UAP1: variants seen among roughly 807,000 people sequenced by gnomAD.
The protein encoded by UAP1 is UDP-N-acetylhexosamine pyrophosphorylase.
A neutral mutation model predicts 58.5 loss-of-function variants in UAP1; 25 were observed. The observed-to-expected ratio is 0.43, with a 90% CI of 0.31 to 0.60. UAP1 has a LOEUF of 0.60. Among genes scored for constraint, UAP1 ranks in the 20% least tolerant of loss-of-function variants. UAP1 has a pLI of 0.11. For synonymous variants in UAP1, 208 were observed against 213.0 expected (o/e 0.98, Z 0.21); for missense variants, 575 against 630.0 (o/e 0.91, Z 0.93).
At chr1:162,577,426 G>A (rs1411028039) in intron 3 of UAP1, among the ~76,000 whole-genome samples, 3 of 124,926 alleles carry the variant, frequency 2.4e-5, no homozygotes, top group Non-Finnish European at 4.9e-5. Flanking sequence ...GTCAGTGTTA[G>A]TTCCTTCCCT....
chr1:162,588,321 A>G (rs190642958), intron 6 of UAP1, among the ~76,000 whole-genome samples: 144 of 152,358 alleles, frequency 9.5e-4, no homozygotes, highest in African/African-American at 3.4e-3. Flanking sequence ...GCATTACTTT[A>G]GAATATCAAC....
chr1:162,563,449 C>G (rs1557961498), intron 1 of UAP1, among the ~76,000 whole-genome samples: 3 of 152,040 alleles, frequency 2.0e-5, no homozygotes. Context: ...ACTACAACCT[C>G]CGCCTCCCCG....
chr1:162,567,628 T>C (rs1374895217), intron 2 of UAP1, among the ~76,000 whole-genome samples: 6 of 152,180 alleles, frequency 3.9e-5, no homozygotes, highest in Non-Finnish European at 8.8e-5. Flanking sequence ...CTGGGCCTCA[T>C]TTTCTCAACT....
chr1:162,597,515 T>C (rs1482305786), intron 9 of UAP1: 2 of 339,250 alleles, frequency 5.9e-6, no homozygotes, highest in Admixed American at 4.6e-5. Flanking sequence ...AAAAATGAGA[T>C]GTATGTAAGG....
At chr1:162,574,115 C>T (rs6690516) in intron 2 of UAP1, among the ~76,000 whole-genome samples, 2,949 of 125,574 alleles carry the variant, frequency 0.023, 112 homozygotes, top group African/African-American at 0.083. Flanking sequence ...TTTTTTGAGA[C>T]GGAGTCTCAC....
chr1:162,592,679 GTTA>G lies in UAP1; in HGVS notation c.1359-50_1359-48del, dbSNP rs1406487424. On this transcript the variant is annotated intron_variant, in intron 8 of 10. Coordinates refer to ENST00000271469, the Ensembl canonical transcript of UAP1. ...GTATATTTTGCAACTCCATTTCATT[GTTA>G]TTGTTTGATTTGCTTCCATTCCCAT... 5 of 1,357,976 alleles carry G rather than the reference GTTA, an allele frequency of 3.7e-6. No homozygotes were observed. The African/African-American group carries it at 7.2e-5, about 20-fold the overall frequency. The allele number at this position is 1,357,976 out of a possible 1,614,324, so 84.1% of individuals were successfully genotyped here.
At chr1:162,576,902 T>C (rs951918766) in exon 3 of UAP1, 1 of 1,614,164 alleles carries the variant, frequency 6.2e-7, no homozygotes, top group African/African-American at 1.3e-5. Context: ...TAAGACACTT[T>C]TTCAGATTCA....
chr1:162,594,698 ATTG>A (rs1012235446), intron 9 of UAP1, among the ~76,000 whole-genome samples: 5 of 152,200 alleles, frequency 3.3e-5, no homozygotes, highest in African/African-American at 1.2e-4. Context: ...AGTGTAATAG[ATTG>A]TTAATTATAT....
intron 5 of UAP1, among the ~76,000 whole-genome samples, chr1:162,583,884 C>A (rs547237806): frequency 5.3e-5 from 8 of 152,248 alleles, no homozygotes; most frequent in African/African-American, 1.9e-4. Context: ...AGGTGATCTA[C>A]CTGCTTTGGC....
downstream of UAP1, among the ~76,000 whole-genome samples, chr1:162,600,722 A>G (rs747438464): frequency 9.9e-5 from 15 of 151,772 alleles, no homozygotes; most frequent in Non-Finnish European, 1.8e-4. Flanking sequence ...TAAGGCCTAA[A>G]TCATTCATTT....
intron 2 of UAP1, among the ~76,000 whole-genome samples, chr1:162,576,514 A>C (rs138407137): frequency 3.1e-3 from 475 of 152,268 alleles, no homozygotes; most frequent in African/African-American, 0.011. Context: ...TTCTATGTAG[A>C]TTCTGTATTC....
intron 2 of UAP1, 63 bp downstream of exon 2, chr1:162,566,411 A>G (rs1653510279): frequency 6.7e-7 from 1 of 1,503,306 alleles, no homozygotes; most frequent in Non-Finnish European, 9.0e-7. Flanking sequence ...TTGTTCAGGT[A>G]GCTGGATCAT....
At chr1:162,588,369 AG>A (rs1655043849) in intron 6 of UAP1, among the ~76,000 whole-genome samples, 1 of 152,200 alleles carries the variant, frequency 6.6e-6, no homozygotes, top group Admixed American at 6.5e-5. Flanking sequence ...TGCCATTTGT[AG>A]CTGTGTTACT....
intron 9 of UAP1, chr1:162,593,829 G>A (rs1460543812): frequency 1.3e-5 from 2 of 152,084 alleles, no homozygotes. Flanking sequence ...GGAGATGGAA[G>A]TTATCTCAGA....
intron 2 of UAP1, among the ~76,000 whole-genome samples, chr1:162,572,093 A>ACCAG (rs1344012085): frequency 5.3e-5 from 8 of 152,216 alleles, no homozygotes; most frequent in Non-Finnish European, 1.0e-4. Flanking sequence ...ATGAGATGTA[A>ACCAG]ATGGATATCT....
At chr1:162,565,924 T>C (rs374372151) in intron 1 of UAP1, 88 bp from the exon 2 acceptor site, 2 of 812,286 alleles carry the variant, frequency 2.5e-6, no homozygotes, top group African/African-American at 3.5e-5. Flanking sequence ...TAACATCGTT[T>C]TGAAATATTC....
intron 2 of UAP1, among the ~76,000 whole-genome samples, chr1:162,570,280 C>T (rs1653781354): frequency 6.6e-6 from 1 of 152,028 alleles, no homozygotes; most frequent in Non-Finnish European, 1.5e-5. Flanking sequence ...TTTTCTTTCA[C>T]ACACACACAT....
intron 9 of UAP1, chr1:162,593,185 T>C (rs925728440): frequency 1.7e-5 from 3 of 180,152 alleles, no homozygotes. Flanking sequence ...GTATACAGGC[T>C]GATTGTTCCT....
chr1:162,584,515 C>G (rs893396155), intron 5 of UAP1, among the ~76,000 whole-genome samples: 3 of 152,178 alleles, frequency 2.0e-5, no homozygotes, highest in Non-Finnish European at 4.4e-5. Context: ...GGATCTCACT[C>G]TGCCACCCAG....
Sources: gnomAD v4.1 joint callset for allele counts (sites outside exome capture counted in the v4.1 genomes callset) on GRCh38, gnomAD v4.1.1 for gene constraint, MANE v1.5 for transcripts, NCBI Gene and HGNC (gene_info 2026-07-23, HGNC 2026-07-21) for gene names.